Variants in APLF observed in about 807,000 individuals in gnomAD.
APLF encodes aprataxin and PNK-like factor.
Under a neutral mutation model 55.6 loss-of-function variants are expected in APLF, and 61 were observed. The observed-to-expected ratio is 1.10, with a 90% CI of 0.89 to 1.36. APLF has a LOEUF of 1.36. Among genes scored for constraint, APLF ranks in the 40% most tolerant of loss-of-function variants. The pLI, the probability that APLF is intolerant of heterozygous loss-of-function variation, is 0.00. For missense variants in APLF, 611 were observed against 602.5 expected, an observed-to-expected ratio of 1.01 and a Z score of -0.15; for synonymous variants, 207 against 214.8, an observed-to-expected ratio of 0.96 and a Z score of 0.32.
chr2:68,557,169 A>G (rs1671040178), intron 8 of APLF, among the ~76,000 whole-genome samples: 1 of 152,216 alleles, frequency 6.6e-6, no homozygotes, highest in Admixed American at 6.6e-5. Context: ...ACAATAGTAT[A>G]GTATTTGCAT....
intron 5 of APLF, among the ~76,000 whole-genome samples, chr2:68,518,944 A>G (rs1669786456): frequency 8.1e-6 from 1 of 124,028 alleles, no homozygotes; most frequent in Non-Finnish European, 1.6e-5. Context: ...AATATATTAT[A>G]TAATATTATT....
chr2:68,567,204 C>T (rs1252601760), intron 8 of APLF, 137 bp from the exon 9 acceptor site: 1 of 664,428 alleles, frequency 1.5e-6, no homozygotes, highest in African/African-American at 1.9e-5. Context: ...TGTAATTAAA[C>T]AACAAATGCT....
chr2:68,550,415 A>G (rs570644862), intron 8 of APLF, among the ~76,000 whole-genome samples: 1 of 152,190 alleles, frequency 6.6e-6, no homozygotes, highest in South Asian at 2.1e-4. Flanking sequence ...TATTTTTAGT[A>G]GAGACGGGGT....
At chr2:68,517,068 G>A (rs1317245728) in intron 5 of APLF, among the ~76,000 whole-genome samples, 2 of 120,860 alleles carry the variant, frequency 1.7e-5, no homozygotes, top group South Asian at 4.7e-4. Context: ...TATATAACAT[G>A]TTAATATATA....
intron 7 of APLF, 79 bp from the exon 8 acceptor site, chr2:68,545,108 T>C: frequency 4.6e-6 from 7 of 1,522,106 alleles, no homozygotes; most frequent in Non-Finnish European, 6.3e-6. Flanking sequence ...ATGTGGATTG[T>C]CTGGTTTCCT....
At chr2:68,493,711 C>G (rs1427312880) in intron 2 of APLF, among the ~76,000 whole-genome samples, 1 of 152,168 alleles carries the variant, frequency 6.6e-6, no homozygotes, top group Admixed American at 6.5e-5. Flanking sequence ...CACCTGTAAT[C>G]CCAACAATTT....
chr2:68,513,455 G>A (rs1669469719), intron 4 of APLF, 93 bp from the exon 5 acceptor site: 3 of 1,390,458 alleles, frequency 2.2e-6, no homozygotes, highest in Non-Finnish European at 3.0e-6. Context: ...GTTGCATATG[G>A]GTATTTTAAT....
rs1671675008 is a variant in APLF, at chr2:68,578,332, G to A, written c.*310G>A. ...TAATAAAAAGTAAAAGCCATAGGTT[G>A]CATAAAACTTTGGTCTTTTTAAATT... On this transcript the variant is annotated 3_prime_UTR_variant, in exon 10 of 10. Coordinates refer to ENST00000303795, the MANE Select transcript of APLF (RefSeq NM_173545.3). The A allele has an allele frequency of 1.9e-6, 2 of 1,042,132 alleles. No homozygotes were observed. The highest frequency in any genetic ancestry group is 2.3e-6 in the Non-Finnish European group (2 of 865,022). The allele number at this position is 1,042,132 out of a possible 1,614,324, so 64.6% of individuals were successfully genotyped here.
At chr2:68,500,729 A>G (rs987802436) in intron 2 of APLF, among the ~76,000 whole-genome samples, 4 of 152,198 alleles carry the variant, frequency 2.6e-5, no homozygotes, top group African/African-American at 7.2e-5. Context: ...TTCTCCTGTT[A>G]GTTCAACATT....
chr2:68,490,376 C>T (rs1252860742), intron 2 of APLF, 115 bp downstream of exon 2: 9 of 681,524 alleles, frequency 1.3e-5, no homozygotes, highest in Non-Finnish European at 1.8e-5. Flanking sequence ...CAGAATATAC[C>T]CTTCTCATTG....
At chr2:68,553,468 T>C (rs1294676872) in intron 8 of APLF, among the ~76,000 whole-genome samples, 3 of 152,112 alleles carry the variant, frequency 2.0e-5, no homozygotes, top group African/African-American at 2.4e-5. Flanking sequence ...TGAGGGTATA[T>C]TTGTGAAGTA....
At chr2:68,479,716 A>G (rs1035875878) in intron 1 of APLF, among the ~76,000 whole-genome samples, 2 of 152,160 alleles carry the variant, frequency 1.3e-5, no homozygotes, top group African/African-American at 2.4e-5. Flanking sequence ...CTTTTTTTTT[A>G]AAGAAATGGA....
At chr2:68,525,068 C>G (rs190200005) in intron 5 of APLF, among the ~76,000 whole-genome samples, 3 of 151,968 alleles carry the variant, frequency 2.0e-5, no homozygotes, top group African/African-American at 7.2e-5. Flanking sequence ...CTGAGACAGG[C>G]GGATCACCTG....
intron 2 of APLF, among the ~76,000 whole-genome samples, chr2:68,494,473 G>A (rs1192066098): frequency 6.6e-6 from 1 of 151,814 alleles, no homozygotes. Flanking sequence ...GGAGTGAGGG[G>A]AAGGTGCCAC....
intron 8 of APLF, among the ~76,000 whole-genome samples, chr2:68,563,853 C>T (rs78467968): frequency 0.014 from 2,093 of 152,090 alleles, 41 homozygotes; most frequent in African/African-American, 0.046. Context: ...GAGGAAAAGC[C>T]TTAATCTCAA....
chr2:68,494,298 AAAAAG>A (rs1676469103), intron 2 of APLF, among the ~76,000 whole-genome samples: 3 of 150,004 alleles, frequency 2.0e-5, no homozygotes, highest in Admixed American at 6.6e-5. Context: ...AAAAAAAAAA[AAAAAG>A]AAAAGAAAAA....
At chr2:68,574,237 G>A (rs1038899176) in intron 9 of APLF, among the ~76,000 whole-genome samples, 2 of 151,642 alleles carry the variant, frequency 1.3e-5, no homozygotes, top group Non-Finnish European at 2.9e-5. Context: ...AGGCAGAATT[G>A]GATATTTCTC....
intron 1 of APLF, among the ~76,000 whole-genome samples, chr2:68,488,749 T>C (rs1295949206): frequency 1.3e-5 from 2 of 152,112 alleles, no homozygotes; most frequent in African/African-American, 4.8e-5. Flanking sequence ...TAATAATAGC[T>C]ATGGCAATGT....
intron 8 of APLF, among the ~76,000 whole-genome samples, chr2:68,556,257 T>C (rs1240374111): frequency 3.9e-5 from 6 of 152,284 alleles, no homozygotes; most frequent in South Asian, 2.1e-4. Flanking sequence ...CAGTGTATGC[T>C]GCTCGGGTGA....
Sources: allele counts gnomAD v4.1 joint callset (sites outside exome capture counted in the v4.1 genomes callset), GRCh38; gene constraint gnomAD v4.1.1; transcripts MANE v1.5; gene names NCBI Gene and HGNC (gene_info 2026-07-23, HGNC 2026-07-21).